The following CDIN1 variants were observed in gnomAD, a reference collection of about 807,000 sequenced individuals.
CDIN1 encodes the protein CDAN1-interacting nuclease 1.
A neutral mutation model predicts 45.3 loss-of-function variants in CDIN1; 33 were observed. That is an observed-to-expected ratio of 0.73 (90% CI 0.55 to 0.97). CDIN1 has a LOEUF of 0.97. CDIN1 is among the 50% of genes least tolerant of loss of function. CDIN1 has a pLI of 0.00. For missense variants in CDIN1, 303 were observed against 339.4 expected, an observed-to-expected ratio of 0.89 and a Z score of 0.84; for synonymous variants, 118 against 124.4, an observed-to-expected ratio of 0.95 and a Z score of 0.34.
chr15:36,621,878 T>G (rs111952349), intron 1 of CDIN1, among the ~76,000 whole-genome samples: 1 of 150,286 alleles, frequency 6.7e-6, no homozygotes, highest in Non-Finnish European at 1.5e-5. Flanking sequence ...TTCAGTTTTT[T>G]TTTTTTTCCT....
chr15:36,607,829 A>G (rs184364711), intron 1 of CDIN1, among the ~76,000 whole-genome samples: 1 of 152,264 alleles, frequency 6.6e-6, no homozygotes, highest in African/African-American at 2.4e-5. Context: ...TACGACCCCA[A>G]AAAGAAACCC....
intron 10 of CDIN1, chr15:36,756,228 A>G (rs529967419): frequency 4.6e-6 from 2 of 432,242 alleles, no homozygotes; most frequent in East Asian, 1.5e-4. Context: ...TCTTGTTTTA[A>G]AATATATGGT....
At chr15:36,640,801 C>T (rs1162187468) in intron 1 of CDIN1, 11 of 287,330 alleles carry the variant, frequency 3.8e-5, no homozygotes, top group Admixed American at 1.9e-4. Context: ...TTCATGTTAC[C>T]GAGTATCTTA....
chr15:36,606,581 C>A (rs746619452), intron 1 of CDIN1, among the ~76,000 whole-genome samples: 3 of 152,084 alleles, frequency 2.0e-5, no homozygotes, highest in Non-Finnish European at 4.4e-5. Flanking sequence ...CCAAAATAAG[C>A]CATACAGGAC....
intron 10 of CDIN1, among the ~76,000 whole-genome samples, chr15:36,780,737 C>T (rs1287583590): frequency 6.6e-6 from 1 of 152,086 alleles, no homozygotes; most frequent in African/African-American, 2.4e-5. Context: ...AATAACTGTG[C>T]AATAGAGTAG....
intron 10 of CDIN1, among the ~76,000 whole-genome samples, chr15:36,774,418 A>C (rs553674235): frequency 4.1e-4 from 62 of 152,146 alleles, no homozygotes; most frequent in African/African-American, 1.4e-3. Context: ...TTTAAAAGTA[A>C]TTCAAAACGT....
chr15:36,625,121 C>T (rs1781464317), intron 1 of CDIN1, among the ~76,000 whole-genome samples: 1 of 151,556 alleles, frequency 6.6e-6, no homozygotes, highest in African/African-American at 2.4e-5. Context: ...ACTAAAAATA[C>T]AAAAGAAAAA....
chr15:36,653,295 C>T lies in CDIN1; in HGVS notation c.213-803C>T, dbSNP rs567239850. ...GAGTTATCCAGGTGAGGGATGGGAG[C>T]GGGAGACAGTGACTAGAGATGAGGC... On this transcript the variant is annotated intron_variant, in intron 3 of 10. Coordinates refer to ENST00000566621, the MANE Select transcript of CDIN1 (RefSeq NM_001321759.2). Among the ~76,000 whole-genome samples the T allele has an allele frequency of 9.2e-5, 14 of 151,956 alleles. No homozygotes were observed. In the South Asian group the frequency reaches 2.3e-3, roughly 25 times the overall value.
chr15:36,610,668 A>G (rs2038606447), intron 1 of CDIN1, among the ~76,000 whole-genome samples: 1 of 152,232 alleles, frequency 6.6e-6, no homozygotes, highest in Non-Finnish European at 1.5e-5. Flanking sequence ...CTATTTGCCT[A>G]AACAAAGGTG....
chr15:36,645,207 GTTT>G lies in CDIN1; in HGVS notation c.148-10_148-8del, dbSNP rs755430500. The stretch of plus-strand genomic sequence containing the variant: ...ATATCAAAGATTTTTTTGTGTTGTT[GTTT>G]TTTTTCTTTCAGAAACACATTAAAA... On this transcript the variant is annotated splice_polypyrimidine_tract_variant and intron_variant, in intron 2 of 10. Coordinates refer to ENST00000566621, the MANE Select transcript of CDIN1 (RefSeq NM_001321759.2). 1 of 1,530,504 alleles carries G rather than the reference GTTT, an allele frequency of 6.5e-7. No individual in the cohort carries two copies. The highest frequency in any genetic ancestry group is 8.8e-7 in the Non-Finnish European group (1 of 1,132,108). 94.8% of individuals were successfully genotyped at this position (1,530,504 alleles called of 1,614,324 possible).
At chr15:36,741,587 T>C (rs1002161388) in intron 10 of CDIN1, among the ~76,000 whole-genome samples, 6 of 152,014 alleles carry the variant, frequency 3.9e-5, no homozygotes, top group African/African-American at 1.4e-4. Context: ...GGACGGAAAT[T>C]TATTTTCTCA....
intron 5 of CDIN1, among the ~76,000 whole-genome samples, chr15:36,688,692 C>T (rs981995423): frequency 6.6e-6 from 1 of 152,196 alleles, no homozygotes; most frequent in African/African-American, 2.4e-5. Context: ...ATAAAAGACA[C>T]AGGCTTTCTT....
At chr15:36,657,732 G>A in intron 4 of CDIN1, 101 bp from the exon 5 acceptor site, 1 of 881,248 alleles carries the variant, frequency 1.1e-6, no homozygotes, top group Non-Finnish European at 1.8e-6. Context: ...GCTTGCTATG[G>A]TTGATTAAAA....
At position 36,808,461 on chromosome 15, in the gene CDIN1, G is replaced by T. The variant is rs760041272; in HGVS notation, c.*8G>T. 4 of 1,613,114 alleles carry T rather than the reference G, an allele frequency of 2.5e-6. No individual in the cohort carries two copies. Among genetic ancestry groups the T allele is most frequent in the Admixed American group, 1.7e-5 (1 of 59,904 alleles). On this transcript the variant is annotated 3_prime_UTR_variant, in exon 11 of 11. Transcript: ENST00000566621. ...TGCCACAGCATAGCTTGACCCTGAA[G>T]ATCCTGGAAGAGAAGCTGGGAGGAA...
rs116594466 is a variant in CDIN1 at position 36,591,185 on chromosome 15, A to G, written c.101+11224A>G. On this transcript the variant is annotated intron_variant, in intron 1 of 10. Coordinates refer to ENST00000566621, the MANE Select transcript of CDIN1 (RefSeq NM_001321759.2). ...GTTGAGATCTGGGAGGTGAAGAGTC[A>G]TTTGAATGTGTCTTCTACATTACAC... Among the ~76,000 whole-genome samples, 1,214 of 152,272 alleles carry G rather than the reference A, an allele frequency of 8.0e-3. 16 individuals are homozygous for G. The highest frequency in any genetic ancestry group is 0.028 in the African/African-American group (1,162 of 41,558).
chr15:36,704,085 A>G (rs1269395457), intron 8 of CDIN1, among the ~76,000 whole-genome samples: 1 of 152,174 alleles, frequency 6.6e-6, no homozygotes, highest in East Asian at 1.9e-4. Context: ...GGTATAAAAT[A>G]TAGGAGAATT....
At chr15:36,644,658 A>G (rs1427427468) in intron 2 of CDIN1, among the ~76,000 whole-genome samples, 2 of 152,206 alleles carry the variant, frequency 1.3e-5, no homozygotes, top group Non-Finnish European at 2.9e-5. Context: ...GCTGACAGAG[A>G]TGATGATAAA....
At chr15:36,772,722 GGGTGAC>G (rs2054110037) in intron 10 of CDIN1, among the ~76,000 whole-genome samples, 1 of 152,138 alleles carries the variant, frequency 6.6e-6, no homozygotes, top group South Asian at 2.1e-4. Context: ...TGCTGTCAGA[GGGTGAC>G]CTTTTCCAGT....
At chr15:36,587,880 C>T (rs1034589377) in intron 1 of CDIN1, among the ~76,000 whole-genome samples, 12 of 152,162 alleles carry the variant, frequency 7.9e-5, no homozygotes, top group Admixed American at 5.9e-4. Flanking sequence ...CTCTTTCTCG[C>T]TCTGTTGTCT....
Sources: gnomAD v4.1 joint callset for allele counts (sites outside exome capture counted in the v4.1 genomes callset) on GRCh38, gnomAD v4.1.1 for gene constraint, MANE v1.5 for transcripts, NCBI Gene and HGNC (gene_info 2026-07-23, HGNC 2026-07-21) for gene names.